Variants in SLC25A53 observed in about 807,000 individuals in gnomAD.
SLC25A53 encodes solute carrier family 25 member 53, also known as mitochondrial carrier triple repeat protein 6.
In SLC25A53, 5 loss-of-function variants were observed where a neutral mutation model predicts 15.0. The observed-to-expected ratio is 0.33, with a 90% CI of 0.17 to 0.70. The LOEUF (loss-of-function observed/expected upper bound fraction) is 0.70, where lower values mean the gene tolerates loss of function less well. Among genes scored for constraint, SLC25A53 ranks in the 30% least tolerant of loss-of-function variants. The pLI is 0.67. For synonymous variants in SLC25A53, 95 were observed against 100.0 expected, an observed-to-expected ratio of 0.95 and a Z score of 0.30; for missense variants, 216 against 241.6, an observed-to-expected ratio of 0.89 and a Z score of 0.70.
At chrX:104,136,609 G>C (rs1556366512) in intron 1 of SLC25A53, among the ~76,000 whole-genome samples, 1 of 112,158 alleles carries the variant, frequency 8.9e-6, no homozygotes, top group African/African-American at 3.2e-5. Flanking sequence ...TCGCCACCTG[G>C]TGGCTATCTA....
At chrX:104,125,195 C>G (rs1453009563) in intron 1 of SLC25A53, among the ~76,000 whole-genome samples, 1 of 100,828 alleles carries the variant, frequency 9.9e-6, no homozygotes, top group Non-Finnish European at 2.0e-5. Flanking sequence ...GTGAAAGTTC[C>G]CCAGCTTCCC....
rs1016538968 is a variant in SLC25A53, at chrX:104,122,176, G to A, written c.-31-16888C>T. ...TTCACCATTTTGACCATTTTAAAGT[G>A]TACAATTCAGTGGCATTTAGTACGC... On this transcript the variant is annotated intron_variant, in intron 1 of 1. Transcript: ENST00000594199. Among the ~76,000 whole-genome samples the A allele has an allele frequency of 4.7e-5, 5 of 106,739 alleles. No homozygotes were observed. The East Asian group carries it at 1.5e-3, about 32-fold the overall frequency. 92.7% of individuals were successfully genotyped at this position (106,739 alleles called of 115,157 possible).
intron 1 of SLC25A53, among the ~76,000 whole-genome samples, chrX:104,126,136 G>A (rs1391526810): frequency 2.7e-5 from 3 of 109,175 alleles, no homozygotes; most frequent in Non-Finnish European, 5.7e-5. Context: ...ACAAGACCCA[G>A]TCTCTATACA....
chrX:104,131,267 C>A (rs181894071), intron 1 of SLC25A53: 2 of 112,001 alleles, frequency 1.8e-5, no homozygotes, highest in East Asian at 2.8e-4. Context: ...AGGATTCTTA[C>A]AACCTATCCT....
rs781896646 is a variant in SLC25A53, at chrX:104,103,927, T to C, written c.*407A>G. 2.7e-4 allele frequency: 35 copies of C among 130,657 alleles called. No individual in the cohort carries two copies. The South Asian group carries it at 2.7e-3, about 10-fold the overall frequency. The allele number at this position is 130,657 out of a possible 1,213,427, so 10.8% of individuals were successfully genotyped here. ...GAATTCCCATCCTAAGAGTCAAGCA[T>C]AGTTCTTTGAAATTGGAGTTCCACT... On this transcript the variant is annotated 3_prime_UTR_variant, in exon 2 of 2. Coordinates refer to ENST00000594199, the MANE Select transcript of SLC25A53 (RefSeq NM_001012755.5).
intron 1 of SLC25A53, among the ~76,000 whole-genome samples, chrX:104,147,461 T>A (rs782742562): frequency 8.2e-5 from 9 of 109,575 alleles, no homozygotes; most frequent in African/African-American, 1.7e-4. Context: ...GGATCTAATT[T>A]AACTAAAGAG....
intron 1 of SLC25A53, among the ~76,000 whole-genome samples, chrX:104,107,784 A>G (rs1206541923): frequency 8.9e-6 from 1 of 112,121 alleles, no homozygotes; most frequent in Non-Finnish European, 1.9e-5. Flanking sequence ...CAGAAAGGCC[A>G]GGAAGCAGGT....
At chrX:104,117,789 A>G (rs1248558666) in intron 1 of SLC25A53, among the ~76,000 whole-genome samples, 1 of 111,982 alleles carries the variant, frequency 8.9e-6, no homozygotes, top group Admixed American at 9.5e-5. Context: ...AATTCACTCT[A>G]TAAATGCTAT....
chrX:104,148,504 T>TA (rs1408016852), intron 1 of SLC25A53, among the ~76,000 whole-genome samples: 2 of 109,448 alleles, frequency 1.8e-5, no homozygotes, highest in Admixed American at 2.0e-4. Flanking sequence ...TATGCAGCCA[T>TA]AAAAAAGGAT....
chrX:104,132,989 A>C (rs1202468766), intron 1 of SLC25A53, among the ~76,000 whole-genome samples: 1 of 112,205 alleles, frequency 8.9e-6, no homozygotes, highest in Non-Finnish European at 1.9e-5. Flanking sequence ...GGCTAAAAGA[A>C]CTGACTAGAG....
chrX:104,141,995 AGCC>A (rs1303990661), intron 1 of SLC25A53, among the ~76,000 whole-genome samples: 1 of 112,306 alleles, frequency 8.9e-6, no homozygotes, highest in East Asian at 2.8e-4. Flanking sequence ...AAAGTGAACC[AGCC>A]TTCTCACTAC....
At chrX:104,129,200 C>G (rs2075418950) in intron 1 of SLC25A53, among the ~76,000 whole-genome samples, 1 of 111,523 alleles carries the variant, frequency 9.0e-6, no homozygotes, top group Admixed American at 9.6e-5. Context: ...TCCATTTATT[C>G]CATACCTTCA....
intron 1 of SLC25A53, among the ~76,000 whole-genome samples, chrX:104,106,222 A>T (rs782460133): frequency 9.0e-5 from 10 of 110,907 alleles, no homozygotes; most frequent in Non-Finnish European, 1.7e-4. Context: ...ATTGCTCCTT[A>T]CCCCAGAAAG....
At position 104,114,862 on chromosome X, in the gene SLC25A53, G is replaced by A. The variant is rs782212653; in HGVS notation, c.-31-9574C>T. On this transcript the variant is annotated intron_variant, in intron 1 of 1. Coordinates refer to ENST00000594199, the MANE Select transcript of SLC25A53 (RefSeq NM_001012755.5). ...AGCCAGCCCTGTGGCATTTCAGGGC[G>A]CCCAGCCAATAGCAATCAGCAGTGC... 15 of 1,206,768 alleles carry A rather than the reference G, an allele frequency of 1.2e-5. No homozygotes were observed. The highest frequency in any genetic ancestry group is 1.8e-5 in the South Asian group (1 of 56,201).
intron 1 of SLC25A53, among the ~76,000 whole-genome samples, chrX:104,155,492 C>T (rs1277054852): frequency 9.0e-6 from 1 of 111,370 alleles, no homozygotes; most frequent in Non-Finnish European, 1.9e-5. Flanking sequence ...AGTTTGAGAG[C>T]CACTGACTTA....
intron 1 of SLC25A53, among the ~76,000 whole-genome samples, chrX:104,140,070 T>C (rs1407406859): frequency 2.7e-5 from 3 of 112,186 alleles, no homozygotes; most frequent in Non-Finnish European, 5.6e-5. Flanking sequence ...ACTTAAGTTG[T>C]CTGACATCAG....
At chrX:104,114,585 T>C (rs1368638129) in intron 1 of SLC25A53, 8 of 1,210,175 alleles carry the variant, frequency 6.6e-6, no homozygotes, top group Non-Finnish European at 8.9e-6. Flanking sequence ...AGCTCCAGAA[T>C]GCTATTCAGG....
chrX:104,122,199 C>T (rs782616063), intron 1 of SLC25A53, among the ~76,000 whole-genome samples: 2 of 107,750 alleles, frequency 1.9e-5, no homozygotes, highest in South Asian at 8.0e-4. Flanking sequence ...GCATTTAGTA[C>T]GCATTCCAAA....
Position 104,124,615 on chromosome X carries a change from G to A in SLC25A53, c.-31-19327C>T, listed in dbSNP as rs373635746. Among the ~76,000 whole-genome samples, 9 of 109,531 alleles carry A rather than the reference G, an allele frequency of 8.2e-5. No individual in the cohort carries two copies. In the East Asian group the frequency reaches 2.0e-3, roughly 25 times the overall value. On this transcript the variant is annotated intron_variant, in intron 1 of 1. Transcript: ENST00000594199. ...ATAAAAATGAAAAAATTAGCCAGGC[G>A]TAGTGGCACATGCCTGTAGTCCTAG...
Sources: gnomAD v4.1 joint callset for allele counts (sites outside exome capture counted in the v4.1 genomes callset) on GRCh38, gnomAD v4.1.1 for gene constraint, MANE v1.5 for transcripts, NCBI Gene and HGNC (gene_info 2026-07-23, HGNC 2026-07-21) for gene names.